Variants in MNS1 observed in about 807,000 individuals in gnomAD.
MNS1 encodes the protein meiosis specific nuclear structural 1.
Under a neutral mutation model 72.0 loss-of-function variants are expected in MNS1, and 63 were observed. The ratio of observed to expected loss-of-function variants is 0.87; its 90% CI spans 0.71 to 1.08. MNS1 has a LOEUF of 1.08. MNS1 is among the 50% of genes least tolerant of loss of function. The probability of loss-of-function intolerance (pLI) is 0.00; values close to 1 mark genes in which losing one functional copy is unlikely to be tolerated. For synonymous variants in MNS1, 188 were observed against 172.1 expected, an observed-to-expected ratio of 1.09 and a Z score of -0.72; for missense variants, 604 against 562.4, an observed-to-expected ratio of 1.07 and a Z score of -0.75.
intron 9 of MNS1, among the ~76,000 whole-genome samples, chr15:56,430,533 G>A (rs1275349227): frequency 1.3e-5 from 2 of 152,108 alleles, no homozygotes; most frequent in Admixed American, 6.6e-5. Flanking sequence ...AAGTCACAGT[G>A]TGTCTCAGGT....
At chr15:56,444,382 A>G in intron 5 of MNS1, 62 bp downstream of exon 5, 4 of 1,421,956 alleles carry the variant, frequency 2.8e-6, no homozygotes, top group Non-Finnish European at 3.8e-6. Flanking sequence ...GTTCCTCACA[A>G]CAAACCTGTG....
At chr15:56,443,971 A>AAATGTTTGTTGCATG in intron 5 of MNS1, 117 bp from the exon 6 acceptor site, 1 of 817,592 alleles carries the variant, frequency 1.2e-6, no homozygotes, top group Non-Finnish European at 1.8e-6. Flanking sequence ...CGTGCATGCA[A>AAATGTTTGTTGCATG]CAAACATTTT....
intron 2 of MNS1, among the ~76,000 whole-genome samples, chr15:56,461,418 T>A (rs1414713402): frequency 6.6e-6 from 1 of 152,134 alleles, no homozygotes; most frequent in Non-Finnish European, 1.5e-5. Context: ...CCCAGCACTT[T>A]GGGAGGCCGA....
chr15:56,431,571 C>T (rs1357482202), intron 8 of MNS1, 73 bp from the exon 9 acceptor site: 1 of 1,477,288 alleles, frequency 6.8e-7, no homozygotes, highest in South Asian at 1.2e-5. Context: ...TAAAACTACT[C>T]ATGCAATGAA....
At position 56,456,497 on chromosome 15, in the gene MNS1, C is replaced by A. The variant is rs1172215665; in HGVS notation, c.250G>T (p.Glu84Ter). ...TTTTCTTCTTGTTTGAGCTGGAGTT[C>A]TTTCAATCTCTTGTTTTCTTCTGCC... ...QKAEENKRLK[E>*]LQLKQEEKLA... is the part of the protein sequence containing the mutation. The change falls in exon 3 of 10, where the codon GAA (glutamate) becomes TAA (stop). Residue 84 changes from glutamate to a stop codon, truncating the protein, a stop_gained. Transcript: ENST00000260453. LOFTEE classifies it high-confidence loss of function. 1 of 1,610,684 alleles carries A rather than the reference C, an allele frequency of 6.2e-7. No individual in the cohort carries two copies. Among genetic ancestry groups the A allele is most frequent in the Non-Finnish European group, 8.5e-7 (1 of 1,179,072 alleles).
At chr15:56,429,773 TA>T (rs1287929696) in intron 9 of MNS1, 1 of 152,216 alleles carries the variant, frequency 6.6e-6, no homozygotes, top group Non-Finnish European at 1.5e-5. Flanking sequence ...ATCTAAAGAA[TA>T]AAGAATTTTA....
Position 56,434,358 on chromosome 15 carries a change from A to T in MNS1, c.1049T>A (p.Met350Lys). 1 of 1,613,118 alleles carries T rather than the reference A, an allele frequency of 6.2e-7. No homozygotes were observed. Among genetic ancestry groups the T allele is most frequent in the Middle Eastern group, 1.7e-4 (1 of 6,060 alleles). Residue 350 changes from methionine (M) to lysine (K), a missense_variant, in exon 8 of 10, where the codon ATG (methionine) becomes AAG (lysine). Met to Lys is a moderately conservative substitution (Grantham distance 95). Transcript: ENST00000260453. ...CATTTGTTCTTCAAAATCTTGCTTC[A>T]TCTCTTTTTGCTTTCTCAATTTCTT... ...AEKKLRKQKE[M>K]KQDFEEQMAL...
At chr15:56,447,140 A>G in intron 3 of MNS1, 197 bp from the exon 4 acceptor site, 1 of 500,752 alleles carries the variant, frequency 2.0e-6, no homozygotes, top group Non-Finnish European at 3.6e-6. Context: ...TCTGGTTGAA[A>G]AGTACTGCTC....
At position 56,460,004 on chromosome 15, in the gene MNS1, A is replaced by AT. The variant is rs1310446914; in HGVS notation, c.226-3484_226-3483insA. ...AAATTCTGTCTCAAAAAAAAAAAAA[A>AT]AAAAAATACATATATATATATATAT... On this transcript the variant is annotated intron_variant, in intron 2 of 9. Coordinates refer to ENST00000260453, the MANE Select transcript of MNS1 (RefSeq NM_018365.4). Among the ~76,000 whole-genome samples, 62 of 57,318 alleles carry AT rather than the reference A, an allele frequency of 1.1e-3. 1 individual carries two copies. The highest frequency in any genetic ancestry group is 3.7e-3 in the African/African-American group (59 of 15,948). The allele number at this position is 57,318 out of a possible 152,430, so 37.6% of individuals were successfully genotyped here. A position where few individuals can be genotyped will look rare whatever the true frequency, so the allele number is the denominator to read the frequency against.
Position 56,465,106 on chromosome 15 carries a change from T to C in MNS1, c.-134A>G. The C allele has an allele frequency of 2.5e-6, 3 of 1,213,460 alleles. No homozygotes were observed. Among genetic ancestry groups the C allele is most frequent in the Admixed American group, 2.2e-5 (1 of 45,188 alleles). The allele number at this position is 1,213,460 out of a possible 1,614,324, so 75.2% of individuals were successfully genotyped here. On this transcript the variant is annotated 5_prime_UTR_variant, in exon 1 of 10. Coordinates refer to ENST00000260453, the MANE Select transcript of MNS1 (RefSeq NM_018365.4). ...TGTTTACGCGGCGTCTTGGCAACGGTGGAGCTGCGCGCCCTCCGCTCGACC... is the reference window on the plus strand; with the variant it reads ...TGTTTACGCGGCGTCTTGGCAACGGCGGAGCTGCGCGCCCTCCGCTCGACC...
rs1187271863 is a variant in MNS1 at position 56,443,724 on chromosome 15, ACT to A, written c.815_816del (p.Glu272ValfsTer3). ...EMEEENRKII[E>X]FANMQQQREE... The stretch of plus-strand genomic sequence containing the variant: ...TCTCTTTGCTGCTGCATGTTAGCAA[ACT>A]CTATGATTTTTCTGTTTTCTTCTTC... On this transcript the variant is annotated frameshift_variant, in exon 6 of 10. Coordinates refer to ENST00000260453, the MANE Select transcript of MNS1 (RefSeq NM_018365.4). LOFTEE classifies it high-confidence loss of function. The A allele has an allele frequency of 1.2e-5, 19 of 1,611,080 alleles. No individual in the cohort carries two copies. The highest frequency in any genetic ancestry group is 1.7e-5 in the Admixed American group (1 of 59,788).
chr15:56,456,928 A>T (rs1490112077), intron 2 of MNS1, among the ~76,000 whole-genome samples: 1 of 152,160 alleles, frequency 6.6e-6, no homozygotes, highest in Non-Finnish European at 1.5e-5. Context: ...CAGAATTTTT[A>T]AAAATATAAC....
intron 8 of MNS1, among the ~76,000 whole-genome samples, chr15:56,433,908 C>T (rs1175690071): frequency 1.3e-5 from 2 of 151,944 alleles, no homozygotes; most frequent in Non-Finnish European, 2.9e-5. Context: ...GTGACATGGA[C>T]TTAGTTTTAT....
intron 3 of MNS1, among the ~76,000 whole-genome samples, 168 bp downstream of exon 3, chr15:56,456,226 C>G (rs2050981012): frequency 6.6e-6 from 1 of 152,064 alleles, no homozygotes; most frequent in Non-Finnish European, 1.5e-5. Flanking sequence ...AATACAACTT[C>G]TTTTCTCAAA....
At chr15:56,464,372 G>A (rs2051044722) in intron 1 of MNS1, 125 bp from the exon 2 acceptor site, 3 of 686,210 alleles carry the variant, frequency 4.4e-6, no homozygotes, top group Non-Finnish European at 4.9e-6. Flanking sequence ...AAATTCAAAG[G>A]AGTATACCGA....
Position 56,465,064 on chromosome 15 carries a change from G to A in MNS1, c.-92C>T. Reference sequence around the variant, plus strand: ...GCCAGCAGCCCCAAGGAGCGCACCTGGCTGCGCGCGCTCGGGTGTTTACGC... The same window carrying A: ...GCCAGCAGCCCCAAGGAGCGCACCTAGCTGCGCGCGCTCGGGTGTTTACGC... On this transcript the variant is annotated 5_prime_UTR_variant, in exon 1 of 10. Transcript: ENST00000260453. The A allele has an allele frequency of 1.3e-6, 2 of 1,537,822 alleles. No homozygotes were observed. Among genetic ancestry groups the A allele is most frequent in the Non-Finnish European group, 1.8e-6 (2 of 1,137,466 alleles).
chr15:56,455,315 A>G (rs1212153120), intron 3 of MNS1, among the ~76,000 whole-genome samples: 3 of 151,880 alleles, frequency 2.0e-5, no homozygotes, highest in African/African-American at 4.8e-5. Flanking sequence ...AGGGCCCAAA[A>G]AGATAGTTTG....
intron 4 of MNS1, among the ~76,000 whole-genome samples, chr15:56,445,486 G>T (rs1219151132): frequency 6.6e-6 from 1 of 151,988 alleles, no homozygotes; most frequent in Non-Finnish European, 1.5e-5. Flanking sequence ...TATGAATACT[G>T]AATGTCATTC....
At chr15:56,439,512 G>C (rs2050783562) in intron 7 of MNS1, among the ~76,000 whole-genome samples, 1 of 152,036 alleles carries the variant, frequency 6.6e-6, no homozygotes, top group Non-Finnish European at 1.5e-5. Flanking sequence ...TTGGTGGAGG[G>C]ATGGATACAT....
Sources: allele counts gnomAD v4.1 joint callset (sites outside exome capture counted in the v4.1 genomes callset), GRCh38; gene constraint gnomAD v4.1.1; transcripts MANE v1.5; gene names NCBI Gene and HGNC (gene_info 2026-07-23, HGNC 2026-07-21).